PCP4: variants seen among roughly 807,000 people sequenced by gnomAD.
The protein encoded by PCP4 is Purkinje cell protein 4.
PCP4 carries 8 observed loss-of-function variants against 10.0 expected under a neutral mutation model. The observed-to-expected ratio is 0.80, with a 90% CI of 0.47 to 1.45. The LOEUF is 1.45. Ranked by LOEUF, PCP4 falls within the 40% of genes most tolerant of loss-of-function variation. The pLI is 0.00. For synonymous variants in PCP4, 21 were observed against 23.0 expected (o/e 0.91, Z 0.24); for missense variants, 54 against 74.4 (o/e 0.73, Z 1.01).
At chr21:39,870,335 T>G (rs1400249552) in intron 1 of PCP4, among the ~76,000 whole-genome samples, 1 of 152,242 alleles carries the variant, frequency 6.6e-6, no homozygotes, top group Admixed American at 6.5e-5. Flanking sequence ...GTGTCTGATT[T>G]ACATTTTGGT....
intron 1 of PCP4, among the ~76,000 whole-genome samples, chr21:39,872,360 G>T (rs976485259): frequency 2.0e-5 from 3 of 152,110 alleles, no homozygotes; most frequent in Non-Finnish European, 4.4e-5. Context: ...GTGATCGGGG[G>T]AAGGCATTCA....
At chr21:39,878,438 C>T (rs1337639234) in intron 1 of PCP4, among the ~76,000 whole-genome samples, 3 of 152,190 alleles carry the variant, frequency 2.0e-5, no homozygotes, top group Non-Finnish European at 4.4e-5. Flanking sequence ...CATTATGATA[C>T]TGTAGTTAAT....
At chr21:39,913,921 G>C (rs567463493) in intron 2 of PCP4, among the ~76,000 whole-genome samples, 2 of 152,168 alleles carry the variant, frequency 1.3e-5, no homozygotes, top group Admixed American at 6.5e-5. Context: ...AGCCAGGGCG[G>C]GAAGTGCCCC....
intron 2 of PCP4, among the ~76,000 whole-genome samples, chr21:39,916,653 C>T (rs2087569900): frequency 6.6e-6 from 1 of 152,170 alleles, no homozygotes; most frequent in Non-Finnish European, 1.5e-5. Flanking sequence ...ATTACAAAGA[C>T]ACAAGCGTGT....
chr21:39,923,329 C>T (rs1045572431), intron 2 of PCP4, among the ~76,000 whole-genome samples: 31 of 152,170 alleles, frequency 2.0e-4, no homozygotes, highest in Non-Finnish European at 1.0e-4. Flanking sequence ...CGTGAGGCAC[C>T]GAGGCAGCTT....
intron 1 of PCP4, among the ~76,000 whole-genome samples, chr21:39,893,440 G>A (rs1383651436): frequency 3.3e-5 from 5 of 152,214 alleles, no homozygotes; most frequent in Admixed American, 6.5e-5. Flanking sequence ...AGATTCTGAA[G>A]CACTCTACTT....
intron 2 of PCP4, among the ~76,000 whole-genome samples, chr21:39,903,442 G>C (rs2087490326): frequency 6.6e-6 from 1 of 152,184 alleles, no homozygotes. Flanking sequence ...CTGTCGTTGT[G>C]TTTCTTTGAG....
chr21:39,924,214 A>G (rs2048374066), intron 2 of PCP4, among the ~76,000 whole-genome samples: 1 of 152,312 alleles, frequency 6.6e-6, no homozygotes, highest in Admixed American at 6.5e-5. Flanking sequence ...AGCTCTGGCC[A>G]CGCCATGCCC....
intron 2 of PCP4, among the ~76,000 whole-genome samples, chr21:39,905,909 G>C (rs1164288982): frequency 6.6e-6 from 1 of 152,184 alleles, no homozygotes; most frequent in Admixed American, 6.5e-5. Context: ...TTAGCCGGGG[G>C]TGTGGTGGTG....
chr21:39,899,346 T>G (rs1357500412), intron 2 of PCP4, among the ~76,000 whole-genome samples: 1 of 152,218 alleles, frequency 6.6e-6, no homozygotes, highest in Non-Finnish European at 1.5e-5. Flanking sequence ...TGAACTCTCC[T>G]TTTATGGAAA....
At chr21:39,887,165 A>G (rs2087404213) in intron 1 of PCP4, among the ~76,000 whole-genome samples, 1 of 152,236 alleles carries the variant, frequency 6.6e-6, no homozygotes, top group Non-Finnish European at 1.5e-5. Flanking sequence ...AGTGATGCTA[A>G]TTAATTCTCT....
At chr21:39,874,559 C>A (rs2087335514) in intron 1 of PCP4, among the ~76,000 whole-genome samples, 1 of 151,470 alleles carries the variant, frequency 6.6e-6, no homozygotes, top group Non-Finnish European at 1.5e-5. Context: ...TTAACAAGAC[C>A]CATTAACATG....
intron 1 of PCP4, among the ~76,000 whole-genome samples, chr21:39,893,013 G>T (rs1050641595): frequency 6.6e-6 from 1 of 152,094 alleles, no homozygotes; most frequent in Non-Finnish European, 1.5e-5. Context: ...AGACACGGAG[G>T]GTAGAAGGAT....
At chr21:39,911,748 T>C (rs74455996) in intron 2 of PCP4, among the ~76,000 whole-genome samples, 2,138 of 152,344 alleles carry the variant, frequency 0.014, 65 homozygotes, top group African/African-American at 0.048. Flanking sequence ...CAGCCTATTG[T>C]CACCTTAAAT....
intron 1 of PCP4, among the ~76,000 whole-genome samples, chr21:39,868,550 T>C (rs1169207868): frequency 6.6e-6 from 1 of 151,760 alleles, no homozygotes; most frequent in Admixed American, 6.6e-5. Flanking sequence ...AACTGTGGGG[T>C]GGAAGATGGG....
intron 1 of PCP4, among the ~76,000 whole-genome samples, chr21:39,884,091 G>C (rs1325341984): frequency 6.6e-6 from 1 of 152,074 alleles, no homozygotes; most frequent in Non-Finnish European, 1.5e-5. Flanking sequence ...ACTTATTTTT[G>C]AGGTTAAGTT....
intron 2 of PCP4, among the ~76,000 whole-genome samples, chr21:39,928,061 G>C (rs1032048653): frequency 6.6e-6 from 1 of 152,056 alleles, no homozygotes; most frequent in South Asian, 2.1e-4. Flanking sequence ...TATTTCTGTA[G>C]GTTTTTGGGG....
At chr21:39,905,833 G>A (rs974976000) in intron 2 of PCP4, among the ~76,000 whole-genome samples, 1 of 152,116 alleles carries the variant, frequency 6.6e-6, no homozygotes, top group East Asian at 1.9e-4. Context: ...TGGATCACGA[G>A]GTCAGGAGAT....
At chr21:39,903,610 T>TGTAA (rs2087491282) in intron 2 of PCP4, among the ~76,000 whole-genome samples, 1 of 152,154 alleles carries the variant, frequency 6.6e-6, no homozygotes, top group African/African-American at 2.4e-5. Context: ...GGCTCACGCC[T>TGTAA]GTAATCCCAG....
Sources: allele counts gnomAD v4.1 joint callset (sites outside exome capture counted in the v4.1 genomes callset), GRCh38; gene constraint gnomAD v4.1.1; transcripts MANE v1.5; gene names NCBI Gene and HGNC (gene_info 2026-07-23, HGNC 2026-07-21).